Variants in TENM2 observed in about 807,000 individuals in gnomAD.
TENM2 encodes the protein teneurin-2.
Under a neutral mutation model 245.2 loss-of-function variants are expected in TENM2, and 52 were observed. The ratio of observed to expected loss-of-function variants is 0.21; its 90% CI spans 0.17 to 0.27. TENM2 has a LOEUF of 0.27. Ranked by LOEUF, TENM2 falls within the 10% of genes least tolerant of loss-of-function variation. The probability of loss-of-function intolerance (pLI) is 1.00; values close to 1 mark genes in which losing one functional copy is unlikely to be tolerated. For synonymous variants in TENM2, 1,363 were observed against 1,438.9 expected (o/e 0.95, Z 1.19); for missense variants, 3,046 against 3,666.8 (o/e 0.83, Z 4.37).
In TENM2 at chr5:167,391,175, AT is replaced by A. The variant is rs1312279812; in HGVS notation, c.502+15710del. Among the ~76,000 whole-genome samples the A allele has an allele frequency of 3.3e-5, 5 of 152,040 alleles. No individual in the cohort carries two copies. The South Asian group carries it at 6.2e-4, about 19-fold the overall frequency. On this transcript the variant is annotated intron_variant, in intron 2 of 28. Coordinates refer to ENST00000518659, the Ensembl canonical transcript of TENM2. The stretch of plus-strand genomic sequence containing the variant: ...ACAGGTGTACTCCCACTCCTTTGAA[AT>A]TTTTTTTAACATTTTATTTATCCAT...
At chr5:167,785,121 C>T (rs1180577984) in intron 2 of TENM2, among the ~76,000 whole-genome samples, 1 of 152,212 alleles carries the variant, frequency 6.6e-6, no homozygotes, top group Non-Finnish European at 1.5e-5. Context: ...TCCTACTACA[C>T]AGTCTGCCAA....
At chr5:166,984,483 A>C in the TENM2 span, among the ~76,000 whole-genome samples, 1 of 129,032 alleles carries the variant, frequency 7.8e-6, no homozygotes, top group African/African-American at 3.1e-5. Context: ...GTCTATGTGG[A>C]AAAAAAATGC....
At chr5:167,375,976 A>G (rs73803153) in intron 2 of TENM2, among the ~76,000 whole-genome samples, 2,708 of 152,260 alleles carry the variant, frequency 0.018, 92 homozygotes, top group African/African-American at 0.062. Context: ...TAATAATGAC[A>G]AATAGGAAGA....
intron 2 of TENM2, among the ~76,000 whole-genome samples, chr5:167,769,574 G>A (rs1763264457): frequency 1.3e-5 from 2 of 152,044 alleles, no homozygotes; most frequent in South Asian, 4.2e-4. Flanking sequence ...GGTTATTCTT[G>A]CCGCAGGCTT....
chr5:167,714,091 T>C (rs1759092936), intron 2 of TENM2, among the ~76,000 whole-genome samples: 1 of 152,142 alleles, frequency 6.6e-6, no homozygotes, highest in South Asian at 2.1e-4. Flanking sequence ...ACTCAGGCTG[T>C]TCATGTTGTA....
chr5:167,771,053 A>T (rs1763368914), intron 2 of TENM2, among the ~76,000 whole-genome samples: 1 of 152,150 alleles, frequency 6.6e-6, no homozygotes, highest in African/African-American at 2.4e-5. Flanking sequence ...AAAGAAGAGA[A>T]TAAAAGAAGA....
At chr5:168,187,112 G>C (rs532879053) in intron 13 of TENM2, 1 of 152,316 alleles carries the variant, frequency 6.6e-6, no homozygotes, top group South Asian at 2.1e-4. Flanking sequence ...TAAATATGTA[G>C]GAGGAAATCA....
rs183615804 is a variant in TENM2 at position 167,544,877 on chromosome 5, G to T, written c.502+169404G>T. Among the ~76,000 whole-genome samples the T allele has an allele frequency of 8.5e-5, 13 of 152,304 alleles. No homozygotes were observed. In the East Asian group the frequency reaches 2.5e-3, roughly 29 times the overall value. ...GTAATATGTGTGTAATTGGGGAATAGAATTAACATTTGTTTGAATAACTCT... is the reference window on the plus strand; with the variant it reads ...GTAATATGTGTGTAATTGGGGAATATAATTAACATTTGTTTGAATAACTCT... On this transcript the variant is annotated intron_variant, in intron 2 of 28. Coordinates refer to ENST00000518659, the Ensembl canonical transcript of TENM2.
At chr5:167,542,152 C>T (rs1015875287) in intron 2 of TENM2, among the ~76,000 whole-genome samples, 1 of 152,078 alleles carries the variant, frequency 6.6e-6, no homozygotes, top group Non-Finnish European at 1.5e-5. Flanking sequence ...GCCAGAAGCC[C>T]TTGAGGTCTC....
intron 2 of TENM2, among the ~76,000 whole-genome samples, chr5:167,379,877 C>G (rs552745421): frequency 6.8e-6 from 1 of 147,408 alleles, no homozygotes; most frequent in African/African-American, 2.6e-5. Flanking sequence ...TTCCATGGAA[C>G]CTAAAGAAAA....
At chr5:167,652,529 C>A (rs1754544162) in intron 2 of TENM2, among the ~76,000 whole-genome samples, 1 of 152,114 alleles carries the variant, frequency 6.6e-6, no homozygotes, top group African/African-American at 2.4e-5. Context: ...CTTGAATCAT[C>A]CCCCTTGAAT....
chr5:167,050,199 GGCAGGAGGTGA>G, the TENM2 span, among the ~76,000 whole-genome samples: 1 of 152,136 alleles, frequency 6.6e-6, no homozygotes, highest in African/African-American at 2.4e-5. Flanking sequence ...AGGGCTGCAT[GGCAGGAGGTGA>G]GCAGCAGGTA....
chr5:167,406,088 T>C (rs1239850272), intron 2 of TENM2, among the ~76,000 whole-genome samples: 2 of 152,064 alleles, frequency 1.3e-5, no homozygotes, highest in African/African-American at 4.8e-5. Context: ...GAGTCAAAAA[T>C]AGTGACTAAC....
the TENM2 span, among the ~76,000 whole-genome samples, chr5:167,202,471 A>T: frequency 2.5e-4 from 38 of 152,258 alleles, no homozygotes; most frequent in African/African-American, 8.9e-4. Flanking sequence ...GGTTTATTTT[A>T]CTTCTCTCTC....
At chr5:168,226,105 G>A (rs770099600) in exon 24 of TENM2, 35 of 1,613,184 alleles carry the variant, frequency 2.2e-5, no homozygotes, top group Non-Finnish European at 2.9e-5. Flanking sequence ...CACGAAGGCC[G>A]CCTGACCAAC....
At chr5:167,568,627 A>G (rs908001064) in intron 2 of TENM2, among the ~76,000 whole-genome samples, 1 of 150,956 alleles carries the variant, frequency 6.6e-6, no homozygotes, top group Non-Finnish European at 1.5e-5. Context: ...TCATTTGTGC[A>G]CAGACAGGCA....
At chr5:167,229,336 A>C in the TENM2 span, among the ~76,000 whole-genome samples, 1 of 152,232 alleles carries the variant, frequency 6.6e-6, no homozygotes, top group Middle Eastern at 3.2e-3. Context: ...TAGCAGATCC[A>C]GGCAAACCAA....
chr5:168,097,098 A>T (rs936320128), intron 8 of TENM2, among the ~76,000 whole-genome samples: 1 of 152,220 alleles, frequency 6.6e-6, no homozygotes, highest in Admixed American at 6.5e-5. Context: ...CAAACCTCCT[A>T]TTTAAAGAAT....
chr5:168,153,252 C>T (rs1756812866), intron 12 of TENM2, among the ~76,000 whole-genome samples: 1 of 152,102 alleles, frequency 6.6e-6, no homozygotes, highest in African/African-American at 2.4e-5. Context: ...GTCTGGGTCG[C>T]TTCCTCAGAG....
Sources: allele counts gnomAD v4.1 joint callset (sites outside exome capture counted in the v4.1 genomes callset), GRCh38; gene constraint gnomAD v4.1.1; transcripts MANE v1.5; gene names NCBI Gene and HGNC (gene_info 2026-07-23, HGNC 2026-07-21).